The following ABHD1 variants were observed in gnomAD, a reference collection of about 807,000 sequenced individuals.
ABHD1 encodes abhydrolase domain containing 1.
In ABHD1, 47 loss-of-function variants were observed where a neutral mutation model predicts 41.4. The observed-to-expected ratio is 1.13, with a 90% CI of 0.90 to 1.45. The LOEUF (loss-of-function observed/expected upper bound fraction) is 1.45, where lower values mean the gene tolerates loss of function less well. ABHD1 is among the 40% of genes most tolerant of loss of function. The pLI, the probability that ABHD1 is intolerant of heterozygous loss-of-function variation, is 0.00. For missense variants in ABHD1, 550 were observed against 503.4 expected (o/e 1.09, Z -0.89); for synonymous variants, 205 against 203.7 (o/e 1.01, Z -0.05).
At chr2:27,126,769 G>A (rs1328102740) in intron 1 of ABHD1, 1 of 152,038 alleles carries the variant, frequency 6.6e-6, no homozygotes, top group African/African-American at 2.4e-5. Context: ...CTAACAGCAG[G>A]GGCCCCACAA....
rs1436827220 is a variant in ABHD1 at position 27,123,860 on chromosome 2, C to A, written c.-89C>A. 2.7e-6 allele frequency: 3 copies of A among 1,121,692 alleles called. No individual in the cohort carries two copies. Among genetic ancestry groups the A allele is most frequent in the Non-Finnish European group, 3.9e-6 (3 of 765,290 alleles). 69.5% of individuals were successfully genotyped at this position (1,121,692 alleles called of 1,614,324 possible). On this transcript the variant is annotated 5_prime_UTR_variant, in exon 1 of 9. Transcript: ENST00000316470. ...GCGGGGACCGGACCTGCACAGGCCG[C>A]CTATGGCGGGCGGCGGGTGGGACCG...
chr2:27,124,151 A>G, intron 1 of ABHD1, 89 bp downstream of exon 1: 1 of 1,234,920 alleles, frequency 8.1e-7, no homozygotes, highest in Non-Finnish European at 1.2e-6. Flanking sequence ...GGGAACTGGG[A>G]TGGTTGGGCT....
At chr2:27,129,455 T>A in intron 4 of ABHD1, 59 bp from the exon 5 acceptor site, 1 of 1,612,120 alleles carries the variant, frequency 6.2e-7, no homozygotes, top group Non-Finnish European at 8.5e-7. Context: ...TTCCTCAGTT[T>A]CCCCTCCACC....
intron 6 of ABHD1, 48 bp from the exon 7 acceptor site, chr2:27,130,057 G>A: frequency 1.2e-6 from 2 of 1,612,838 alleles, no homozygotes; most frequent in South Asian, 1.1e-5. Context: ...GCCTGGGGGT[G>A]GGGGATCAGA....
chr2:27,128,808 G>C (rs1157983134), intron 2 of ABHD1, 137 bp from the exon 3 acceptor site: 3 of 1,251,516 alleles, frequency 2.4e-6, no homozygotes, highest in Non-Finnish European at 2.2e-6. Flanking sequence ...AAGCCTTACT[G>C]TTTTACATGA....
chr2:27,124,013 C>T lies in ABHD1; in HGVS notation c.65C>T (p.Ala22Val), dbSNP rs888407789. 5 of 1,614,132 alleles carry T rather than the reference C, an allele frequency of 3.1e-6. No individual in the cohort carries two copies. The highest frequency in any genetic ancestry group is 1.3e-5 in the African/African-American group (1 of 74,948). ...TWADTFSLLLALAVALYLGYY... is the reference protein window; with the variant it reads ...TWADTFSLLLVLAVALYLGYY... The stretch of plus-strand genomic sequence containing the variant: ...GCAGACACCTTCTCTCTGCTCTTGG[C>T]TCTTGCCGTTGCCCTCTACTTGGGC... Residue 22 changes from alanine to valine, a missense_variant, in exon 1 of 9, where the codon GCT becomes GTT. Coordinates refer to ENST00000316470, the MANE Select transcript of ABHD1 (RefSeq NM_032604.4).
At chr2:27,130,188 A>G (rs1368800216) in intron 7 of ABHD1, 35 bp downstream of exon 7, 9 of 1,614,144 alleles carry the variant, frequency 5.6e-6, no homozygotes, top group Non-Finnish European at 7.6e-6. Flanking sequence ...GTTCCCCCAA[A>G]TGAGTCTTCC....
In ABHD1 at chr2:27,129,464, C is replaced by T. The variant is rs553115982; in HGVS notation, c.505-50C>T. The T allele has an allele frequency of 9.3e-6, 15 of 1,612,410 alleles. No homozygotes were observed. The East Asian group carries it at 2.2e-4, about 24-fold the overall frequency. On this transcript the variant is annotated intron_variant, in intron 4 of 8. Coordinates refer to ENST00000316470, the MANE Select transcript of ABHD1 (RefSeq NM_032604.4). ...CTATCCTTCCTCAGTTTCCCCTCCA[C>T]CTTCTGGCCACGGTCTCCCTCCCTA...
Position 27,130,757 on chromosome 2 carries a change from T to C in ABHD1, c.*13T>C, listed in dbSNP as rs1227680560. 3.7e-6 allele frequency: 6 copies of C among 1,611,344 alleles called. No individual in the cohort carries two copies. Among genetic ancestry groups the C allele is most frequent in the East Asian group, 2.2e-5 (1 of 44,826 alleles). On this transcript the variant is annotated 3_prime_UTR_variant, in exon 9 of 9. Coordinates refer to ENST00000316470, the MANE Select transcript of ABHD1 (RefSeq NM_032604.4). ...CAGAAACAGCTGACAAGAGTACCATTTGGGGTCTCAGTTCACTCTTTCCTT... is the reference window on the plus strand; with the variant it reads ...CAGAAACAGCTGACAAGAGTACCATCTGGGGTCTCAGTTCACTCTTTCCTT...
intron 1 of ABHD1, among the ~76,000 whole-genome samples, chr2:27,127,390 T>A (rs2148410836): frequency 7.0e-6 from 1 of 143,366 alleles, no homozygotes; most frequent in East Asian, 2.2e-4. Context: ...CCGTCTCTAC[T>A]GAAAGTACAA....
rs531155473 is a variant in ABHD1, at chr2:27,129,775, G to T, written c.639G>T (p.Leu213=). 7.4e-6 allele frequency: 12 copies of T among 1,614,126 alleles called. No individual in the cohort carries two copies. In the East Asian group the frequency reaches 2.5e-4, roughly 33 times the overall value. ...SFGGILVLNH[L]AQARQAAGLV... Reference sequence around the variant, plus strand: ...ACAGGATACTGGTGCTGAATCACCTGGCACAGGCCAGGCAGGCTGCAGGGC... The same window carrying T: ...ACAGGATACTGGTGCTGAATCACCTTGCACAGGCCAGGCAGGCTGCAGGGC... The change falls in exon 6 of 9, where the codon CTG becomes CTT. Residue 213 remains leucine, a synonymous_variant. Coordinates refer to ENST00000316470, the MANE Select transcript of ABHD1 (RefSeq NM_032604.4).
At chr2:27,130,043 C>A in intron 6 of ABHD1, 62 bp from the exon 7 acceptor site, 1 of 1,611,612 alleles carries the variant, frequency 6.2e-7, no homozygotes, top group Non-Finnish European at 8.5e-7. Flanking sequence ...GATAGTAAGA[C>A]AGGGCCTGGG....
At position 27,123,970 on chromosome 2, in the gene ABHD1, C is replaced by G; in HGVS notation, c.22C>G (p.Pro8Ala). The G allele has an allele frequency of 6.2e-7, 1 of 1,614,238 alleles. No homozygotes were observed. Among genetic ancestry groups the G allele is most frequent in the Non-Finnish European group, 8.5e-7 (1 of 1,180,030 alleles). The stretch of plus-strand genomic sequence containing the variant: ...CAAGATGCTGAGCTCCTTCCTGAGC[C>G]CCCAGAATGGCACCTGGGCAGACAC... The part of the protein sequence containing the change: MLSSFLS[P>A]QNGTWADTFS... Residue 8 changes from proline to alanine, a missense_variant, in exon 1 of 9, where the codon CCC becomes GCC. Coordinates refer to ENST00000316470, the MANE Select transcript of ABHD1 (RefSeq NM_032604.4).
At chr2:27,125,154 G>C (rs1330034966) in intron 1 of ABHD1, 1 of 149,000 alleles carries the variant, frequency 6.7e-6, no homozygotes, top group Non-Finnish European at 1.5e-5. Flanking sequence ...AAAAAAAAAA[G>C]TCTTCCTTAA....
chr2:27,130,057 G>T lies in ABHD1; in HGVS notation c.792-48G>T, dbSNP rs376409416. The T allele has an allele frequency of 1.9e-6, 3 of 1,612,838 alleles. No homozygotes were observed. The South Asian group carries it at 3.3e-5, about 18-fold the overall frequency. ...AGATAGTAAGACAGGGCCTGGGGGT[G>T]GGGGATCAGATCCAGGTGTCAAGCC... is the stretch of plus-strand genomic sequence containing the variant. On this transcript the variant is annotated intron_variant, in intron 6 of 8. Coordinates refer to ENST00000316470, the MANE Select transcript of ABHD1 (RefSeq NM_032604.4).
In ABHD1 at chr2:27,130,404, T is replaced by C. The variant is rs202005994; in HGVS notation, c.994T>C (p.Ser332Pro). 9 of 1,613,950 alleles carry C rather than the reference T, an allele frequency of 5.6e-6. No individual in the cohort carries two copies. In the Admixed American group the frequency reaches 1.5e-4, roughly 27 times the overall value. The part of the protein sequence containing the change: ...LYLSAADDPF[S>P]PVCALPIQAA... ...TCTCAGTGCAGCAGATGACCCCTTCTCCCCCGTCTGTGGTGAGTACTCTGA... is the reference window on the plus strand; with the variant it reads ...TCTCAGTGCAGCAGATGACCCCTTCCCCCCCGTCTGTGGTGAGTACTCTGA... Residue 332 changes from serine to proline, a missense_variant, in exon 8 of 9, where the codon TCC (serine) becomes CCC (proline). Transcript: ENST00000316470.
chr2:27,126,255 T>G (rs1409114143), intron 1 of ABHD1: 1 of 152,262 alleles, frequency 6.6e-6, no homozygotes, highest in Admixed American at 6.5e-5. Flanking sequence ...GCCTCTTGCT[T>G]GCTGTGTAAC....
In ABHD1 at chr2:27,129,495, T is replaced by TG; in HGVS notation, c.505-18dup. ...GGCCACGGTCTCCCTCCCTACCCAA[T>TG]GATCTGGTTTGCCCTCAGACCCACA... On this transcript the variant is annotated intron_variant, in intron 4 of 8. Transcript: ENST00000316470. The TG allele has an allele frequency of 6.2e-7, 1 of 1,613,462 alleles. No individual in the cohort carries two copies.
chr2:27,130,244 C>T lies in ABHD1; in HGVS notation c.841-7C>T. 1 of 1,614,170 alleles carries T rather than the reference C, an allele frequency of 6.2e-7. No individual in the cohort carries two copies. The highest frequency in any genetic ancestry group is 1.1e-5 in the South Asian group (1 of 91,088). On this transcript the variant is annotated splice_polypyrimidine_tract_variant and splice_region_variant and intron_variant, in intron 7 of 8. Transcript: ENST00000316470. ...CATCTTAGCCTATCCTATGGTAAGA[C>T]CTGCAGGCCCGTACAATCCGCCAGT...
Sources: allele counts gnomAD v4.1 joint callset (sites outside exome capture counted in the v4.1 genomes callset), GRCh38; gene constraint gnomAD v4.1.1; transcripts MANE v1.5; gene names NCBI Gene and HGNC (gene_info 2026-07-23, HGNC 2026-07-21).